ANHX: variants seen among roughly 807,000 people sequenced by gnomAD.
The protein encoded by ANHX is anomalous homeobox protein.
Under a neutral mutation model 38.9 loss-of-function variants are expected in ANHX, and 20 were observed. That is an observed-to-expected ratio of 0.51 (90% CI 0.36 to 0.75). The LOEUF (loss-of-function observed/expected upper bound fraction) is 0.75, where lower values mean the gene tolerates loss of function less well. Among genes scored for constraint, ANHX ranks in the 30% least tolerant of loss-of-function variants. The pLI is 0.00. For synonymous variants in ANHX, 185 were observed against 203.1 expected, an observed-to-expected ratio of 0.91 and a Z score of 0.76; for missense variants, 475 against 493.1, an observed-to-expected ratio of 0.96 and a Z score of 0.35.
intron 2 of ANHX, among the ~76,000 whole-genome samples, chr12:133,233,214 C>G (rs1188243481): frequency 1.3e-5 from 2 of 152,136 alleles, no homozygotes; most frequent in African/African-American, 4.8e-5. Context: ...GCAGCAGGCT[C>G]AGGCCCCGGA....
In ANHX at chr12:133,234,483, C is replaced by A; in HGVS notation, c.-22-105G>T. 3.0e-6 allele frequency: 4 copies of A among 1,312,836 alleles called. No homozygotes were observed. In the South Asian group the frequency reaches 4.4e-5, roughly 14 times the overall value. 81.3% of individuals were successfully genotyped at this position (1,312,836 alleles called of 1,614,324 possible). ...AAGCAGGTGATGCACGGCTCTTGTGCCGTGGACACTTGTAGAGTAGGAATA... is the reference window on the plus strand; with the variant it reads ...AAGCAGGTGATGCACGGCTCTTGTGACGTGGACACTTGTAGAGTAGGAATA... On this transcript the variant is annotated intron_variant, in intron 1 of 9. Coordinates refer to ENST00000545940, the MANE Select transcript of ANHX (RefSeq NM_001372060.1).
At chr12:133,231,467 A>C (rs530256704) in intron 3 of ANHX, 50 bp downstream of exon 3, 86 of 1,534,124 alleles carry the variant, frequency 5.6e-5, no homozygotes, top group Non-Finnish European at 7.2e-5. Flanking sequence ...GGTACATCTA[A>C]TCCCTTGGGA....
intron 5 of ANHX, 35 bp from the exon 6 acceptor site, chr12:133,226,473 A>C: frequency 6.6e-7 from 1 of 1,513,200 alleles, no homozygotes; most frequent in Non-Finnish European, 8.8e-7. Flanking sequence ...AGACTTAGTG[A>C]GGCTCTGGTT....
chr12:133,222,735 C>T (rs889898417), intron 7 of ANHX, among the ~76,000 whole-genome samples: 1 of 152,150 alleles, frequency 6.6e-6, no homozygotes, highest in African/African-American at 2.4e-5. Flanking sequence ...GGGCCAGAAT[C>T]CACAGTCCCA....
At position 133,221,111 on chromosome 12, in the gene ANHX, C is replaced by T; in HGVS notation, c.1280+94G>A. ...AATCCAAAGGAGAGGACCCTATCTGCACAGTCCGGGACGGTGAGTCTATAA... is the reference window on the plus strand; with the variant it reads ...AATCCAAAGGAGAGGACCCTATCTGTACAGTCCGGGACGGTGAGTCTATAA... On this transcript the variant is annotated intron_variant, in intron 8 of 9. Transcript: ENST00000545940. The surrounding 1 kb of genome is among the most constrained non-coding windows in gnomAD (Gnocchi z 4.1). 7.0e-7 allele frequency: 1 copy of T among 1,433,988 alleles called. No homozygotes were observed. The highest frequency in any genetic ancestry group is 9.2e-7 in the Non-Finnish European group (1 of 1,081,542). The allele number at this position is 1,433,988 out of a possible 1,614,324, so 88.8% of individuals were successfully genotyped here. A position where few individuals can be genotyped will look rare whatever the true frequency, so the allele number is the denominator to read the frequency against.
intron 2 of ANHX, 131 bp downstream of exon 2, chr12:133,233,977 C>T (rs1229675164): frequency 6.5e-6 from 8 of 1,222,144 alleles, no homozygotes; most frequent in Non-Finnish European, 8.8e-6. Context: ...TTTTCCAAGG[C>T]CTGGGGGTGG....
Position 133,218,815 on chromosome 12 carries a change from T to G in ANHX, c.*70A>C. The G allele has an allele frequency of 8.3e-7, 1 of 1,208,550 alleles. No individual in the cohort carries two copies. The highest frequency in any genetic ancestry group is 2.0e-4 in the Middle Eastern group (1 of 5,012). 74.9% of individuals were successfully genotyped at this position (1,208,550 alleles called of 1,614,324 possible). A position where few individuals can be genotyped will look rare whatever the true frequency, so the allele number is the denominator to read the frequency against. ...TGTATTCAGGATAAAGCTCTGTAAC[T>G]CCTTGTGTTGACCAGGCAGACCATC... On this transcript the variant is annotated 3_prime_UTR_variant, in exon 10 of 10. Coordinates refer to ENST00000545940, the MANE Select transcript of ANHX (RefSeq NM_001372060.1).
Position 133,219,308 on chromosome 12 carries a change from A to G in ANHX, c.1340T>C (p.Leu447Pro), listed in dbSNP as rs1245358142. ...CTGGCTGGAGGGCAGGGCCTGGCTCAGCTCCATGGCAGACACAGGGCCGGG... is the reference window on the plus strand; with the variant it reads ...CTGGCTGGAGGGCAGGGCCTGGCTCGGCTCCATGGCAGACACAGGGCCGGG... ...AFPGPVSAME[L>P]SQALPSSQVQ... The change falls in exon 9 of 10, where the codon CTG becomes CCG. Residue 447 changes from leucine (L) to proline (P), a missense_variant. Transcript: ENST00000545940. 7.2e-6 allele frequency: 11 copies of G among 1,535,506 alleles called. No homozygotes were observed. In the African/African-American group the frequency reaches 1.1e-4, roughly 15 times the overall value.
At chr12:133,233,802 G>C (rs887282256) in intron 2 of ANHX, among the ~76,000 whole-genome samples, 1 of 152,192 alleles carries the variant, frequency 6.6e-6, no homozygotes, top group African/African-American at 2.4e-5. Context: ...GCTCTCCAAA[G>C]ACAGGACTGC....
Position 133,219,360 on chromosome 12 carries a change from C to T in ANHX, c.1288G>A (p.Glu430Lys). Residue 430 changes from glutamate to lysine, a missense_variant, in exon 9 of 10, where the codon GAG (glutamate) becomes AAG (lysine). Transcript: ENST00000545940. The part of the protein sequence containing the change: ...PEFILTQSPP[E>K]LAPAPSAFPG... ...AAGGCAGATGGGGCTGGGGCCAGCTCTGGAGGGCTGGAAAAGAGACAGTGT... is the reference window on the plus strand; with the variant it reads ...AAGGCAGATGGGGCTGGGGCCAGCTTTGGAGGGCTGGAAAAGAGACAGTGT... 2 of 1,527,694 alleles carry T rather than the reference C, an allele frequency of 1.3e-6. No homozygotes were observed. Among genetic ancestry groups the T allele is most frequent in the East Asian group, 4.9e-5 (2 of 40,840 alleles). The allele number at this position is 1,527,694 out of a possible 1,614,324, so 94.6% of individuals were successfully genotyped here.
At chr12:133,235,393 C>G (rs1251046747) in intron 1 of ANHX, 1 of 152,354 alleles carries the variant, frequency 6.6e-6, no homozygotes, top group Non-Finnish European at 1.5e-5. Flanking sequence ...GAGGGGCACC[C>G]GGCTCCAGCT....
chr12:133,219,067 C>G lies in ANHX; in HGVS notation c.1366-96G>C, dbSNP rs934699770. Reference sequence around the variant, plus strand: ...ACCTCCTGACCTTGGGAAGACCCCCCGCAACCAGTCTGGACTCAGGAGGGA... The same window carrying G: ...ACCTCCTGACCTTGGGAAGACCCCCGGCAACCAGTCTGGACTCAGGAGGGA... On this transcript the variant is annotated intron_variant, in intron 9 of 9. Transcript: ENST00000545940. 5 of 1,199,590 alleles carry G rather than the reference C, an allele frequency of 4.2e-6. No homozygotes were observed. In the African/African-American group the frequency reaches 7.5e-5, roughly 18 times the overall value. 74.3% of individuals were successfully genotyped at this position (1,199,590 alleles called of 1,614,324 possible).
Position 133,235,503 on chromosome 12 carries a change from C to G in ANHX, c.-23+304G>C, listed in dbSNP as rs1250755427. 7 of 151,064 alleles carry G rather than the reference C, an allele frequency of 4.6e-5. No homozygotes were observed. The East Asian group carries it at 8.0e-4, about 17-fold the overall frequency. 9.4% of individuals were successfully genotyped at this position (151,064 alleles called of 1,614,324 possible). A position where few individuals can be genotyped will look rare whatever the true frequency, so the allele number is the denominator to read the frequency against. On this transcript the variant is annotated intron_variant, in intron 1 of 9. Transcript: ENST00000545940. ...CCAGCCCCCCTACCTTTCTGGCACG[C>G]TGCTCCCTGCGGAGGCCGAAATTCC...
intron 3 of ANHX, among the ~76,000 whole-genome samples, chr12:133,230,325 AT>A (rs1957251988): frequency 6.6e-6 from 1 of 152,214 alleles, no homozygotes; most frequent in Non-Finnish European, 1.5e-5. Context: ...CCCACAGCTG[AT>A]TTACTGCTGG....
rs1308267755 is a variant in ANHX at position 133,221,814 on chromosome 12, T to C, written c.1133-462A>G. On this transcript the variant is annotated intron_variant, in intron 7 of 9. Transcript: ENST00000545940. This position sits in a 1 kb window ranked among gnomAD's most constrained non-coding sequence, Gnocchi z 4.1. ...ACTGAGGTATAAGCTGTCACTAGTT[T>C]CCCCTCCCTTTGACTTTCCAGAGCG... Among the ~76,000 whole-genome samples the C allele has an allele frequency of 6.6e-6, 1 of 152,134 alleles. No homozygotes were observed. The highest frequency in any genetic ancestry group is 2.4e-5 in the African/African-American group (1 of 41,424).
At position 133,218,710 on chromosome 12, in the gene ANHX, C is replaced by A; in HGVS notation, c.*175G>T. 2.1e-6 allele frequency: 1 copy of A among 476,834 alleles called. No homozygotes were observed. The highest frequency in any genetic ancestry group is 4.9e-5 in the South Asian group (1 of 20,314). The allele number at this position is 476,834 out of a possible 1,614,324, so 29.5% of individuals were successfully genotyped here. A position where few individuals can be genotyped will look rare whatever the true frequency, so the allele number is the denominator to read the frequency against. On this transcript the variant is annotated 3_prime_UTR_variant, in exon 10 of 10. Transcript: ENST00000545940. Reference sequence around the variant, plus strand: ...TTCTCTACTACAGGGAATTGCTAACCAAACTATTCAAACATGGCAGTGGGA... The same window carrying A: ...TTCTCTACTACAGGGAATTGCTAACAAAACTATTCAAACATGGCAGTGGGA...
At chr12:133,229,629 G>T (rs538999409) in intron 3 of ANHX, among the ~76,000 whole-genome samples, 1 of 152,202 alleles carries the variant, frequency 6.6e-6, no homozygotes, top group Admixed American at 6.5e-5. Context: ...CCAGCCCTGG[G>T]CATGCCTGGA....
In ANHX at chr12:133,227,863, G is replaced by T; in HGVS notation, c.462C>A (p.Phe154Leu). Residue 154 changes from phenylalanine to leucine, a missense_variant, in exon 4 of 10, where the codon TTC becomes TTA. Transcript: ENST00000545940. ...TGGGGTTGGTGTTCACCCCCACAGC[G>T]AAATTGTGCAGCTTCTCACGAACCT... ...PREVREKLHN[F>L]AVGVNTNPSK... The T allele has an allele frequency of 6.5e-7, 1 of 1,531,400 alleles. No homozygotes were observed. Among genetic ancestry groups the T allele is most frequent in the Middle Eastern group, 1.7e-4 (1 of 5,968 alleles). 94.9% of individuals were successfully genotyped at this position (1,531,400 alleles called of 1,614,324 possible).
intron 3 of ANHX, among the ~76,000 whole-genome samples, chr12:133,230,725 C>A (rs544883772): frequency 1.3e-5 from 2 of 151,696 alleles, no homozygotes; most frequent in South Asian, 4.2e-4. Context: ...CGCCCCACTG[C>A]ATGCTAGTCT....
Sources: allele counts gnomAD v4.1 joint callset (sites outside exome capture counted in the v4.1 genomes callset), GRCh38; gene constraint gnomAD v4.1.1; non-coding constraint Gnocchi (gnomAD v3.1); transcripts MANE v1.5; gene names NCBI Gene and HGNC (gene_info 2026-07-23, HGNC 2026-07-21).